The following LRBA variants were observed in gnomAD, a reference collection of about 807,000 sequenced individuals.
LRBA encodes LPS responsive beige-like anchor protein.
In LRBA, 176 loss-of-function variants were observed where a neutral mutation model predicts 330.0. The observed-to-expected ratio is 0.53, with a 90% confidence interval of 0.47 to 0.60. The LOEUF (loss-of-function observed/expected upper bound fraction) is 0.60, where lower values mean the gene tolerates loss of function less well. Among genes scored for constraint, LRBA ranks in the 20% least tolerant of loss-of-function variants. The probability of loss-of-function intolerance (pLI) is 0.00; values close to 1 mark genes in which losing one functional copy is unlikely to be tolerated. For missense variants in LRBA, 3,259 were observed against 3,444.8 expected, an observed-to-expected ratio of 0.95 and a Z score of 1.35; for synonymous variants, 1,230 against 1,193.0, an observed-to-expected ratio of 1.03 and a Z score of -0.64.
chr4:150,567,154 T>C (rs1225605680), intron 40 of LRBA, among the ~76,000 whole-genome samples: 1 of 152,140 alleles, frequency 6.6e-6, no homozygotes, highest in Non-Finnish European at 1.5e-5. Flanking sequence ...ATCATTTTAT[T>C]AAAACTTACC....
Position 150,872,700 on chromosome 4 carries a change from T to C in LRBA, c.2221A>G (p.Lys741Glu), listed in dbSNP as rs752142522. ...TGTTTTAAAAAATAACCCATTGCCT[T>C]AAGAGCTTGTACCCTGATTCCTTCA... ...KSEGIRVQAL[K>E]AMGYFLKHLA... Residue 741 changes from lysine to glutamate, a missense_variant, in exon 18 of 57, where the codon AAG becomes GAG. Physicochemically the swap from Lys to Glu is moderately conservative, Grantham distance 56. Transcript: ENST00000651943. 2 of 1,610,320 alleles carry C rather than the reference T, an allele frequency of 1.2e-6. No individual in the cohort carries two copies. The highest frequency in any genetic ancestry group is 2.2e-5 in the South Asian group (2 of 90,522).
At chr4:150,576,938 A>C (rs114963429) in intron 40 of LRBA, among the ~76,000 whole-genome samples, 1,573 of 152,012 alleles carry the variant, frequency 0.01, 23 homozygotes, top group African/African-American at 0.036. Flanking sequence ...AGTAAAAAAA[A>C]ATTTTTTTTA....
At chr4:150,767,759 A>T (rs1735971312) in intron 34 of LRBA, among the ~76,000 whole-genome samples, 1 of 3,986 alleles carries the variant, frequency 2.5e-4, no homozygotes, top group Non-Finnish European at 3.5e-3. Flanking sequence ...CTTGTTGCAA[A>T]AAAAAAAAAA....
intron 2 of LRBA, among the ~76,000 whole-genome samples, chr4:150,945,677 A>G (rs1258028033): frequency 6.6e-6 from 1 of 152,242 alleles, no homozygotes; most frequent in African/African-American, 2.4e-5. Context: ...TGACAATGTC[A>G]GTAATATAGA....
intron 48 of LRBA, among the ~76,000 whole-genome samples, chr4:150,340,785 CT>C (rs1735422647): frequency 1.3e-5 from 2 of 152,050 alleles, no homozygotes; most frequent in Non-Finnish European, 1.5e-5. Flanking sequence ...GGATTTTTAG[CT>C]TTGATATTAG....
At chr4:150,443,402 C>A (rs533811025) in intron 44 of LRBA, among the ~76,000 whole-genome samples, 1 of 152,084 alleles carries the variant, frequency 6.6e-6, no homozygotes, top group Non-Finnish European at 1.5e-5. Flanking sequence ...TGCACACATA[C>A]ATTTACTGCG....
intron 40 of LRBA, among the ~76,000 whole-genome samples, chr4:150,536,238 C>A (rs1764643433): frequency 6.6e-6 from 1 of 151,978 alleles, no homozygotes; most frequent in South Asian, 2.1e-4. Context: ...AAAAAAGTTA[C>A]AAGGGATATT....
intron 37 of LRBA, among the ~76,000 whole-genome samples, chr4:150,672,742 C>CA (rs1166721505): frequency 6.6e-6 from 1 of 152,028 alleles, no homozygotes; most frequent in African/African-American, 2.4e-5. Context: ...AAACTACACT[C>CA]AAAGCAACAA....
chr4:150,689,105 T>C (rs1783883360), intron 36 of LRBA, among the ~76,000 whole-genome samples: 1 of 152,212 alleles, frequency 6.6e-6, no homozygotes, highest in Non-Finnish European at 1.5e-5. Context: ...GTGACACATA[T>C]ACTCCACGGA....
At chr4:150,713,167 G>T (rs1039044853) in intron 36 of LRBA, among the ~76,000 whole-genome samples, 1 of 152,032 alleles carries the variant, frequency 6.6e-6, no homozygotes, top group Admixed American at 6.6e-5. Flanking sequence ...AACTGCTGGG[G>T]TCATGCAATC....
rs531751113 is a variant in LRBA at position 150,484,829 on chromosome 4, C to A, written c.6551+2903G>T. ...GGCACTTCTTTATCTTCATGTTAAA[C>A]ATTTCTATAGGTTGTGCTGTTATTT... On this transcript the variant is annotated intron_variant, in intron 42 of 56. Transcript: ENST00000651943. 2.0e-5 allele frequency among the ~76,000 whole-genome samples: 3 copies of A among 151,908 alleles called. No homozygotes were observed. The East Asian group carries it at 5.8e-4, about 29-fold the overall frequency.
chr4:150,489,228 T>TTATATATACGAATATATAATAC (rs1561250126), intron 41 of LRBA, among the ~76,000 whole-genome samples: 5 of 58,116 alleles, frequency 8.6e-5, no homozygotes, highest in African/African-American at 3.8e-4. Flanking sequence ...ATATATAATA[T>TTATATATACGAATATATAATAC]ATTATATATA....
intron 2 of LRBA, among the ~76,000 whole-genome samples, chr4:150,956,176 A>T (rs1379994698): frequency 6.7e-6 from 1 of 149,056 alleles, no homozygotes; most frequent in African/African-American, 2.6e-5. Flanking sequence ...AATTACTAAA[A>T]TCAGAAATGA....
At chr4:151,006,137 T>G (rs1011026508) in intron 2 of LRBA, among the ~76,000 whole-genome samples, 1 of 152,048 alleles carries the variant, frequency 6.6e-6, no homozygotes, top group African/African-American at 2.4e-5. Context: ...AGGTCAGGAG[T>G]TCGGGACCAG....
intron 40 of LRBA, among the ~76,000 whole-genome samples, chr4:150,510,787 C>T (rs1338612293): frequency 6.6e-6 from 1 of 152,098 alleles, no homozygotes; most frequent in African/African-American, 2.4e-5. Flanking sequence ...TATCCAATCA[C>T]CTATAAATAG....
rs953434132 is a variant in LRBA at position 150,868,174 on chromosome 4, C to A, written c.2573+8G>T. The A allele has an allele frequency of 3.7e-6, 6 of 1,602,732 alleles. No individual in the cohort carries two copies. Among genetic ancestry groups the A allele is most frequent in the Non-Finnish European group, 5.1e-6 (6 of 1,175,748 alleles). Reference sequence around the variant, plus strand: ...TACTGCAAATAAATGCTTTCTGATTCAGCTTACCTCCTGTTTTCTCTACTG... The same window carrying A: ...TACTGCAAATAAATGCTTTCTGATTAAGCTTACCTCCTGTTTTCTCTACTG... On this transcript the variant is annotated splice_region_variant and intron_variant, in intron 21 of 56. Transcript: ENST00000651943.
At position 150,599,027 on chromosome 4, in the gene LRBA, A is replaced by T; in HGVS notation, c.6026T>A (p.Leu2009Gln). 6.2e-7 allele frequency: 1 copy of T among 1,614,036 alleles called. No individual in the cohort carries two copies. Among genetic ancestry groups the T allele is most frequent in the Non-Finnish European group, 8.5e-7 (1 of 1,179,932 alleles). The change falls in exon 38 of 57, where the codon CTA becomes CAA. Residue 2009 changes from leucine (L) to glutamine (Q), a missense_variant. Coordinates refer to ENST00000651943, the MANE Select transcript of LRBA (RefSeq NM_001364905.1). ...CTGACCATGTTCCACGGCTGTTTTT[A>T]GTGTCGCTTCAGGATGTGTCGATCC... Reference protein sequence around the residue: ...PLGSTHPEATLKTAVEHATDE... With the variant: ...PLGSTHPEATQKTAVEHATDE...
At chr4:150,297,819 C>T (rs999850992) in intron 53 of LRBA, among the ~76,000 whole-genome samples, 5 of 152,106 alleles carry the variant, frequency 3.3e-5, no homozygotes, top group African/African-American at 1.2e-4. Flanking sequence ...AAATATTGTG[C>T]TTGCTTTTTC....
In LRBA at chr4:150,928,887, C is replaced by A. The variant is rs773074081; in HGVS notation, c.395G>T (p.Gly132Val). The A allele has an allele frequency of 6.2e-7, 1 of 1,614,036 alleles. No individual in the cohort carries two copies. Among genetic ancestry groups the A allele is most frequent in the East Asian group, 2.2e-5 (1 of 44,866 alleles). The change falls in exon 3 of 57, where the codon GGC (glycine) becomes GTC (valine). Residue 132 changes from glycine (G) to valine (V), a missense_variant. Transcript: ENST00000651943. ...TTTCCCAAGCACTTTTTCAACAAGG[C>A]CTACTTCAGTGCAGACTTGAAGATT... Reference protein sequence around the residue: ...IRNLQVCTEVGLVEKVLGKIE... With the variant: ...IRNLQVCTEVVLVEKVLGKIE...
Sources: allele counts gnomAD v4.1 joint callset (sites outside exome capture counted in the v4.1 genomes callset), GRCh38; gene constraint gnomAD v4.1.1; transcripts MANE v1.5; gene names NCBI Gene and HGNC (gene_info 2026-07-23, HGNC 2026-07-21).